Variants in ARPC1A observed in about 807,000 individuals in gnomAD.
ARPC1A encodes the protein actin related protein 2/3 complex subunit 1A, also known as actin-related protein 2/3 complex subunit 1A.
A neutral mutation model predicts 46.9 loss-of-function variants in ARPC1A; 8 were observed. The ratio of observed to expected loss-of-function variants is 0.17; its 90% confidence interval spans 0.10 to 0.31. The LOEUF is 0.31. Ranked by LOEUF, ARPC1A falls within the 10% of genes least tolerant of loss-of-function variation. The pLI is 1.00. For missense variants in ARPC1A, 286 were observed against 483.6 expected (o/e 0.59, Z 3.83); for synonymous variants, 152 against 169.0 (o/e 0.90, Z 0.78).
intron 5 of ARPC1A, among the ~76,000 whole-genome samples, chr7:99,351,178 A>G (rs1196647684): frequency 6.6e-6 from 1 of 152,096 alleles, no homozygotes; most frequent in African/African-American, 2.4e-5. Flanking sequence ...AACCCACACC[A>G]CCTGGATTCT....
intron 4 of ARPC1A, among the ~76,000 whole-genome samples, chr7:99,347,027 C>T (rs1793465707): frequency 6.6e-6 from 1 of 151,968 alleles, no homozygotes; most frequent in Non-Finnish European, 1.5e-5. Flanking sequence ...GTCTTTTTCT[C>T]CTTTTTTAGA....
rs191262789 is a variant in ARPC1A, at chr7:99,328,052, C to T, written c.-30+2048C>T. ...CGTTTCCAAGCTCAGAGGAAACTAA[C>T]TGGTGGGTTCTATGGTTGGTTTAAA... is the stretch of plus-strand genomic sequence containing the variant. On this transcript the variant is annotated intron_variant, in intron 1 of 9. Transcript: ENST00000262942. 3.3e-3 allele frequency among the ~76,000 whole-genome samples: 499 copies of T among 152,256 alleles called. 2 individuals are homozygous for T. Among genetic ancestry groups the T allele is most frequent in the African/African-American group, 0.012 (480 of 41,548 alleles).
chr7:99,359,583 C>T lies in ARPC1A; in HGVS notation c.828C>T (p.Asp276=). The stretch of plus-strand genomic sequence containing the variant: ...GCCCAATGCTCTTTAACTACGATGA[C>T]CGCGGCTGCCTGACCTTCGTCTCCA... ...DCCPMLFNYD[D]RGCLTFVSKL... The change falls in exon 8 of 10, where the codon GAC becomes GAT. Residue 276 remains aspartate, a synonymous_variant. Coordinates refer to ENST00000262942, the MANE Select transcript of ARPC1A (RefSeq NM_006409.4). 1.9e-6 allele frequency: 3 copies of T among 1,614,154 alleles called. No individual in the cohort carries two copies. Among genetic ancestry groups the T allele is most frequent in the Admixed American group, 3.3e-5 (2 of 60,006 alleles).
chr7:99,352,870 A>G (rs1793566752), intron 5 of ARPC1A, among the ~76,000 whole-genome samples: 1 of 152,030 alleles, frequency 6.6e-6, no homozygotes, highest in Non-Finnish European at 1.5e-5. Flanking sequence ...AGGCTGAGGC[A>G]GGAGAATCTC....
chr7:99,331,064 G>A (rs1388808184), intron 1 of ARPC1A, among the ~76,000 whole-genome samples: 2 of 152,176 alleles, frequency 1.3e-5, no homozygotes, highest in Non-Finnish European at 2.9e-5. Flanking sequence ...TCACCAGTTA[G>A]CATTTTGCCA....
intron 5 of ARPC1A, 146 bp downstream of exon 5, chr7:99,349,105 C>A: frequency 1.3e-6 from 1 of 753,226 alleles, no homozygotes; most frequent in Non-Finnish European, 2.2e-6. Context: ...GGCTGGAGTG[C>A]AGTGGCACCA....
intron 9 of ARPC1A, 42 bp downstream of exon 9, chr7:99,363,675 C>CTT (rs756919545): frequency 7.6e-4 from 838 of 1,099,092 alleles, no homozygotes; most frequent in East Asian, 9.4e-4. Context: ...TGTGTTAAAA[C>CTT]TTTTTTTTTT....
At position 99,357,465 on chromosome 7, in the gene ARPC1A, C is replaced by G. The variant is rs181515921; in HGVS notation, c.714-875C>G. On this transcript the variant is annotated intron_variant, in intron 6 of 9. Coordinates refer to ENST00000262942, the MANE Select transcript of ARPC1A (RefSeq NM_006409.4). ...CCTCTCAAGCAGCTGGAGCCACAGACGTGCACCACCACTCTAGGCTAATTT... is the reference window on the plus strand; with the variant it reads ...CCTCTCAAGCAGCTGGAGCCACAGAGGTGCACCACCACTCTAGGCTAATTT... 5.6e-4 allele frequency among the ~76,000 whole-genome samples: 85 copies of G among 151,844 alleles called. 1 individual carries two copies. The highest frequency in any genetic ancestry group is 3.9e-3 in the Admixed American group (60 of 15,206).
chr7:99,354,197 T>C, intron 6 of ARPC1A, 76 bp downstream of exon 6: 1 of 1,509,670 alleles, frequency 6.6e-7, no homozygotes, highest in Non-Finnish European at 9.0e-7. Context: ...GGACTGCCCT[T>C]CCTGGGGTGT....
At chr7:99,334,378 TAAC>T (rs1169866430) in intron 2 of ARPC1A, among the ~76,000 whole-genome samples, 4 of 151,598 alleles carry the variant, frequency 2.6e-5, no homozygotes, top group Non-Finnish European at 5.9e-5. Flanking sequence ...AAAAAAATAA[TAAC>T]AATAATAATT....
At chr7:99,353,546 C>T (rs1342181460) in intron 5 of ARPC1A, among the ~76,000 whole-genome samples, 2 of 151,544 alleles carry the variant, frequency 1.3e-5, no homozygotes, top group East Asian at 1.9e-4. Context: ...GGCGTGATCT[C>T]GGCTCACTGC....
chr7:99,360,204 A>C (rs948802926), intron 8 of ARPC1A: 5 of 175,300 alleles, frequency 2.9e-5, no homozygotes, highest in African/African-American at 9.5e-5. Flanking sequence ...AAGATTATTT[A>C]ATTAAAGGAA....
intron 8 of ARPC1A, among the ~76,000 whole-genome samples, chr7:99,362,796 A>G (rs1399754632): frequency 3.3e-5 from 5 of 151,996 alleles, no homozygotes; most frequent in Non-Finnish European, 7.4e-5. Context: ...GCAATGGATG[A>G]TTGTCTTGAA....
At chr7:99,338,620 G>A (rs1460466434) in intron 3 of ARPC1A, among the ~76,000 whole-genome samples, 4 of 151,820 alleles carry the variant, frequency 2.6e-5, no homozygotes, top group Non-Finnish European at 2.9e-5. Context: ...CCCTGACCTC[G>A]TGATCCTCCT....
chr7:99,338,157 C>T lies in ARPC1A; in HGVS notation c.65-24C>T, dbSNP rs1350080221. 3.9e-6 allele frequency: 6 copies of T among 1,544,720 alleles called. No homozygotes were observed. In the African/African-American group the frequency reaches 4.1e-5, roughly 11 times the overall value. ...TGACAATTGCAAGTTCAGGTGTTAA[C>T]TGTTGTTTGACTTGTGTCTCCAGAG... On this transcript the variant is annotated intron_variant, in intron 2 of 9. Transcript: ENST00000262942.
intron 8 of ARPC1A, among the ~76,000 whole-genome samples, chr7:99,360,737 C>T (rs1793724271): frequency 6.6e-6 from 1 of 152,070 alleles, no homozygotes; most frequent in Non-Finnish European, 1.5e-5. Context: ...GTCAGGAGTT[C>T]GAGACCAGCC....
intron 8 of ARPC1A, among the ~76,000 whole-genome samples, chr7:99,360,682 T>G (rs1476781969): frequency 6.6e-6 from 1 of 152,026 alleles, no homozygotes; most frequent in Non-Finnish European, 1.5e-5. Flanking sequence ...GCTTACACCT[T>G]TAATCCCAGC....
intron 1 of ARPC1A, among the ~76,000 whole-genome samples, chr7:99,331,156 C>G (rs1257743447): frequency 6.6e-6 from 1 of 152,120 alleles, no homozygotes; most frequent in South Asian, 2.1e-4. Flanking sequence ...TGCCTGTAAT[C>G]CCAGCACTTT....
At chr7:99,360,067 C>T (rs1054661247) in intron 8 of ARPC1A, 9 of 380,934 alleles carry the variant, frequency 2.4e-5, no homozygotes, top group Non-Finnish European at 3.9e-5. Context: ...CTCAGCTACT[C>T]GAGAACAAAA....
Sources: gnomAD v4.1 joint callset for allele counts (sites outside exome capture counted in the v4.1 genomes callset) on GRCh38, gnomAD v4.1.1 for gene constraint, MANE v1.5 for transcripts, NCBI Gene and HGNC (gene_info 2026-07-23, HGNC 2026-07-21) for gene names.